The following SPSB4 variants were observed in gnomAD, a reference collection of about 807,000 sequenced individuals.
SPSB4 encodes the protein splA/ryanodine receptor domain and SOCS box containing 4.
A neutral mutation model predicts 20.9 loss-of-function variants in SPSB4; 21 were observed. The ratio of observed to expected loss-of-function variants is 1.01; its 90% CI spans 0.71 to 1.45. The LOEUF (loss-of-function observed/expected upper bound fraction) is 1.45, where lower values mean the gene tolerates loss of function less well. SPSB4 is among the 40% of genes most tolerant of loss of function. SPSB4 has a pLI of 0.00. For missense variants in SPSB4, 399 were observed against 399.2 expected (o/e 1.00, Z 0.00); for synonymous variants, 207 against 183.8 (o/e 1.13, Z -1.02).
At chr3:141,125,018 T>C (rs545963250) in intron 2 of SPSB4, among the ~76,000 whole-genome samples, 3 of 152,236 alleles carry the variant, frequency 2.0e-5, no homozygotes, top group South Asian at 2.1e-4. Flanking sequence ...CATGTGACAA[T>C]GTCCCTAATT....
intron 2 of SPSB4, among the ~76,000 whole-genome samples, chr3:141,077,949 A>G (rs951347134): frequency 3.9e-5 from 6 of 152,220 alleles, no homozygotes; most frequent in African/African-American, 1.4e-4. Context: ...CACGTCTGCC[A>G]TGGTCTCCCC....
chr3:141,091,139 G>T (rs1310029159), intron 2 of SPSB4, among the ~76,000 whole-genome samples: 1 of 152,182 alleles, frequency 6.6e-6, no homozygotes, highest in African/African-American at 2.4e-5. Flanking sequence ...CCATGAGGAG[G>T]TTCTGTGTGG....
intron 1 of SPSB4, among the ~76,000 whole-genome samples, chr3:141,054,296 G>A (rs992640480): frequency 1.3e-5 from 2 of 152,166 alleles, no homozygotes; most frequent in East Asian, 1.9e-4. Context: ...GTGGCAGGCC[G>A]TAGATGGAGG....
chr3:141,053,735 A>ATT (rs141574829), intron 1 of SPSB4, among the ~76,000 whole-genome samples: 1 of 151,756 alleles, frequency 6.6e-6, no homozygotes, highest in East Asian at 1.9e-4. Context: ...AAATTACAAG[A>ATT]TTTTTTTTTA....
chr3:141,074,448 C>T (rs1157064576), intron 2 of SPSB4, among the ~76,000 whole-genome samples: 1 of 152,156 alleles, frequency 6.6e-6, no homozygotes, highest in African/African-American at 2.4e-5. Flanking sequence ...TTTTGGTCCA[C>T]ACTGTGAAAC....
At chr3:141,053,780 T>A (rs1936135842) in intron 1 of SPSB4, among the ~76,000 whole-genome samples, 1 of 152,202 alleles carries the variant, frequency 6.6e-6, no homozygotes, top group Non-Finnish European at 1.5e-5. Flanking sequence ...TAACCATTTA[T>A]CAGAAGCATC....
In SPSB4 at chr3:141,135,475, T is replaced by A. The variant is rs1417533190; in HGVS notation, c.695-11667T>A. 2.6e-5 allele frequency among the ~76,000 whole-genome samples: 4 copies of A among 151,728 alleles called. No homozygotes were observed. In the East Asian group the frequency reaches 7.7e-4, roughly 29 times the overall value. Reference sequence around the variant, plus strand: ...CTCATCATTTAGCATTAGGTATATCTCCTAATGATATCCCCCCTCCCCCCA... The same window carrying A: ...CTCATCATTTAGCATTAGGTATATCACCTAATGATATCCCCCCTCCCCCCA... On this transcript the variant is annotated intron_variant, in intron 2 of 2. Transcript: ENST00000310546.
intron 2 of SPSB4, among the ~76,000 whole-genome samples, chr3:141,135,015 T>C (rs191368807): frequency 1.0e-3 from 155 of 152,038 alleles, no homozygotes; most frequent in Non-Finnish European, 1.8e-3. Flanking sequence ...CTCAGATCAA[T>C]ACATAGATTC....
chr3:141,056,918 A>G (rs1233315128), intron 1 of SPSB4, among the ~76,000 whole-genome samples: 1 of 152,216 alleles, frequency 6.6e-6, no homozygotes, highest in Non-Finnish European at 1.5e-5. Flanking sequence ...GTCACAGCCT[A>G]GCAAACCTCC....
intron 2 of SPSB4, among the ~76,000 whole-genome samples, chr3:141,067,939 G>C (rs1415403207): frequency 1.3e-5 from 2 of 152,238 alleles, no homozygotes; most frequent in Non-Finnish European, 2.9e-5. Context: ...GAAAACTTAA[G>C]AGCAGAGCTA....
intron 2 of SPSB4, among the ~76,000 whole-genome samples, chr3:141,136,804 G>A (rs150989598): frequency 5.9e-5 from 9 of 152,172 alleles, no homozygotes; most frequent in Non-Finnish European, 1.0e-4. Context: ...GTTGGCTTAG[G>A]ATTGACTTGG....
intron 2 of SPSB4, among the ~76,000 whole-genome samples, chr3:141,084,340 T>C (rs540585818): frequency 6.6e-6 from 1 of 151,856 alleles, no homozygotes; most frequent in Non-Finnish European, 1.5e-5. Flanking sequence ...TCTCCTGGCC[T>C]CTCCTTGCCC....
At chr3:141,061,702 TTC>T (rs1937765044) in intron 1 of SPSB4, among the ~76,000 whole-genome samples, 1 of 150,750 alleles carries the variant, frequency 6.6e-6, no homozygotes, top group East Asian at 1.9e-4. Context: ...ATCCTTTTTC[TTC>T]TCTTTCTTTC....
At chr3:141,091,228 A>G (rs914989363) in intron 2 of SPSB4, among the ~76,000 whole-genome samples, 4 of 152,226 alleles carry the variant, frequency 2.6e-5, no homozygotes, top group Non-Finnish European at 5.9e-5. Flanking sequence ...TGGCTACTGA[A>G]GAGAAGAGGT....
intron 2 of SPSB4, among the ~76,000 whole-genome samples, chr3:141,123,524 C>G (rs1273233739): frequency 6.6e-6 from 1 of 152,228 alleles, no homozygotes; most frequent in Non-Finnish European, 1.5e-5. Context: ...GTTAAGTAAC[C>G]TGATATCTGG....
At chr3:141,103,485 A>G (rs60261010) in intron 2 of SPSB4, among the ~76,000 whole-genome samples, 1,623 of 152,222 alleles carry the variant, frequency 0.011, 35 homozygotes, top group African/African-American at 0.037. Context: ...AATGGAAAAG[A>G]CTCAGTTGGT....
chr3:141,126,795 A>T (rs1939055423), intron 2 of SPSB4, among the ~76,000 whole-genome samples: 1 of 152,060 alleles, frequency 6.6e-6, no homozygotes, highest in Non-Finnish European at 1.5e-5. Flanking sequence ...AATAGAGCCC[A>T]CTCCGACCCC....
chr3:141,140,770 G>A (rs1174737353), intron 2 of SPSB4, among the ~76,000 whole-genome samples: 1 of 152,170 alleles, frequency 6.6e-6, no homozygotes, highest in Non-Finnish European at 1.5e-5. Context: ...TAGGCTACTC[G>A]GGGGTCAGGG....
chr3:141,118,980 T>C (rs1168603259), intron 2 of SPSB4, among the ~76,000 whole-genome samples: 1 of 152,234 alleles, frequency 6.6e-6, no homozygotes, highest in Non-Finnish European at 1.5e-5. Context: ...TGGGCTCTTT[T>C]TTGGTTCCAT....
Sources: gnomAD v4.1 joint callset for allele counts (sites outside exome capture counted in the v4.1 genomes callset) on GRCh38, gnomAD v4.1.1 for gene constraint, MANE v1.5 for transcripts, NCBI Gene and HGNC (gene_info 2026-07-23, HGNC 2026-07-21) for gene names.